Variants in DAGLA observed in about 807,000 individuals in gnomAD.
The protein encoded by DAGLA is diacylglycerol lipase alpha.
In DAGLA, 22 loss-of-function variants were observed where a neutral mutation model predicts 102.6. The observed-to-expected ratio is 0.21, with a 90% CI of 0.15 to 0.31. The LOEUF is 0.31. DAGLA is among the 10% of genes least tolerant of loss of function. DAGLA has a pLI of 1.00. For synonymous variants in DAGLA, 578 were observed against 628.9 expected, an observed-to-expected ratio of 0.92 and a Z score of 1.21; for missense variants, 927 against 1,446.6, an observed-to-expected ratio of 0.64 and a Z score of 5.83.
At chr11:61,704,993 G>A (rs940934365) in intron 1 of DAGLA, among the ~76,000 whole-genome samples, 3 of 152,152 alleles carry the variant, frequency 2.0e-5, no homozygotes, top group East Asian at 1.9e-4. Context: ...CTGACCTGCC[G>A]TGCCCGGGCT....
intron 1 of DAGLA, among the ~76,000 whole-genome samples, chr11:61,715,361 G>C (rs2065228120): frequency 6.6e-6 from 1 of 152,208 alleles, no homozygotes; most frequent in African/African-American, 2.4e-5. Context: ...TCTCTGGCCA[G>C]ATGGGAAATC....
chr11:61,694,734 C>T (rs2135554290), intron 1 of DAGLA, among the ~76,000 whole-genome samples: 1 of 152,324 alleles, frequency 6.6e-6, no homozygotes, highest in East Asian at 1.9e-4. Flanking sequence ...GAAATCCATT[C>T]AAGTCATTTG....
Position 61,744,780 on chromosome 11 carries a change from C to A in DAGLA, c.*291C>A. 2.7e-6 allele frequency: 1 copy of A among 366,042 alleles called. No homozygotes were observed. 22.7% of individuals were successfully genotyped at this position (366,042 alleles called of 1,614,324 possible). A position where few individuals can be genotyped will look rare whatever the true frequency, so the allele number is the denominator to read the frequency against. ...GGCCACACTCAGCCTGACTGCCCTCCATGGGGGCATTCTGGCACCCCCTGC... is the reference window on the plus strand; with the variant it reads ...GGCCACACTCAGCCTGACTGCCCTCAATGGGGGCATTCTGGCACCCCCTGC... On this transcript the variant is annotated 3_prime_UTR_variant, in exon 20 of 20. Coordinates refer to ENST00000257215, the MANE Select transcript of DAGLA (RefSeq NM_006133.3).
intron 1 of DAGLA, 58 bp from the exon 2 acceptor site, chr11:61,720,054 G>T: frequency 8.3e-7 from 1 of 1,205,884 alleles, no homozygotes; most frequent in Non-Finnish European, 1.2e-6. Flanking sequence ...AAGGAATGCA[G>T]TGGCCCTGGG....
At position 61,740,500 on chromosome 11, in the gene DAGLA, T is replaced by A. The variant is rs765101373; in HGVS notation, c.1891T>A (p.Trp631Arg). The change falls in exon 18 of 20, where the codon TGG (tryptophan) becomes AGG (arginine). Residue 631 changes from tryptophan (W) to arginine (R), a missense_variant. Around this residue, in one of 4 missense-constraint regions of DAGLA, gnomAD observed 218 missense variants for 459.6 expected, o/e 0.47. Coordinates refer to ENST00000257215, the MANE Select transcript of DAGLA (RefSeq NM_006133.3). ...EQEEPTYFAI[W>R]GDNKAFNEVI... is the part of the protein sequence containing the mutation. ...GGAGGAGCCCACATACTTTGCCATCTGGGGCGACAACAAGGCCTTCAATGA... is the reference window on the plus strand; with the variant it reads ...GGAGGAGCCCACATACTTTGCCATCAGGGGCGACAACAAGGCCTTCAATGA... 6.2e-7 allele frequency: 1 copy of A among 1,613,902 alleles called. No homozygotes were observed. The highest frequency in any genetic ancestry group is 8.5e-7 in the Non-Finnish European group (1 of 1,179,984).
At position 61,744,273 on chromosome 11, in the gene DAGLA, G is replaced by A. The variant is rs772103855; in HGVS notation, c.2913G>A (p.Lys971=). ...RAQFEPNLVP[K]PPRLFAGSAD... ...AGTTCGAGCCCAACCTGGTGCCCAA[G>A]CCCCCACGGCTCTTTGCCGGCTCAG... The change falls in exon 20 of 20, where the codon AAG becomes AAA. Residue 971 remains lysine (K), a synonymous_variant. Coordinates refer to ENST00000257215, the MANE Select transcript of DAGLA (RefSeq NM_006133.3). 1 of 1,612,890 alleles carries A rather than the reference G, an allele frequency of 6.2e-7. No homozygotes were observed. The highest frequency in any genetic ancestry group is 1.1e-5 in the South Asian group (1 of 91,068).
intron 3 of DAGLA, among the ~76,000 whole-genome samples, 160 bp from the exon 4 acceptor site, chr11:61,722,699 G>A (rs2065293984): frequency 6.6e-6 from 1 of 152,196 alleles, no homozygotes; most frequent in African/African-American, 2.4e-5. Flanking sequence ...TTGGGGCCTG[G>A]GAGGCGGGGG....
chr11:61,720,222 A>G lies in DAGLA; in HGVS notation c.67A>G (p.Ile23Val), dbSNP rs748012554. Residue 23 changes from isoleucine (I) to valine (V), a missense_variant, in exon 2 of 20, where the codon ATC (isoleucine) becomes GTC (valine). By Grantham distance (29) the Ile-to-Val change is conservative. Around this residue, in one of 4 missense-constraint regions of DAGLA, gnomAD observed 231 missense variants for 439.8 expected, o/e 0.53. Transcript: ENST00000257215. Reference protein sequence around the residue: ...VGSDDLVLPAIFLFLLHTTWF... With the variant: ...VGSDDLVLPAVFLFLLHTTWF... The stretch of plus-strand genomic sequence containing the variant: ...CAGTGATGACCTCGTCCTACCGGCC[A>G]TCTTCCTCTTTCTCCTGCATACCAC... 9 of 1,613,916 alleles carry G rather than the reference A, an allele frequency of 5.6e-6. No homozygotes were observed. The highest frequency in any genetic ancestry group is 1.1e-5 in the South Asian group (1 of 91,080).
intron 1 of DAGLA, among the ~76,000 whole-genome samples, chr11:61,701,256 G>A (rs573103781): frequency 2.5e-3 from 379 of 152,288 alleles, no homozygotes; most frequent in Non-Finnish European, 4.1e-3. Context: ...CCTGAGCACC[G>A]CCCAGACGTG....
chr11:61,706,300 G>A (rs1471452976), intron 1 of DAGLA, among the ~76,000 whole-genome samples: 1 of 152,252 alleles, frequency 6.6e-6, no homozygotes, highest in Non-Finnish European at 1.5e-5. Context: ...GAGAATGAAT[G>A]GCAGCAGGTC....
intron 1 of DAGLA, among the ~76,000 whole-genome samples, chr11:61,704,957 C>T (rs1386427472): frequency 6.6e-6 from 1 of 152,202 alleles, no homozygotes; most frequent in Non-Finnish European, 1.5e-5. Flanking sequence ...CTGACTGCTC[C>T]TGAGTGGGAC....
chr11:61,741,362 C>A lies in DAGLA; in HGVS notation c.2171+13C>A, dbSNP rs766639029. On this transcript the variant is annotated intron_variant, in intron 19 of 19. Transcript: ENST00000257215. ...ACAGCAGCGTCAGGTGAGCCTTGGC[C>A]ACTCCCAGCCCCACCCCAGGGTGAG... 1.3e-6 allele frequency: 2 copies of A among 1,599,698 alleles called. No homozygotes were observed. Among genetic ancestry groups the A allele is most frequent in the Non-Finnish European group, 8.5e-7 (1 of 1,177,786 alleles).
In DAGLA at chr11:61,734,559, G is replaced by A. The variant is rs1022926247; in HGVS notation, c.975-290G>A. Among the ~76,000 whole-genome samples, 3 of 152,130 alleles carry A rather than the reference G, an allele frequency of 2.0e-5. No individual in the cohort carries two copies. Among genetic ancestry groups the A allele is most frequent in the Non-Finnish European group, 4.4e-5 (3 of 68,008 alleles). The stretch of plus-strand genomic sequence containing the variant: ...CCAGGGCTTCAGTGTTGGGTGCATC[G>A]CTGAGTAGGCCCTGCCCGGAGGGGA... On this transcript the variant is annotated intron_variant, in intron 9 of 19. Transcript: ENST00000257215. The surrounding 1 kb of genome is among the most constrained non-coding windows in gnomAD (Gnocchi z 4.2).
In DAGLA at chr11:61,738,137, T is replaced by C; in HGVS notation, c.1586T>C (p.Ile529Thr). The C allele has an allele frequency of 6.2e-7, 1 of 1,613,580 alleles. No individual in the cohort carries two copies. The highest frequency in any genetic ancestry group is 8.5e-7 in the Non-Finnish European group (1 of 1,179,928). ...GCCCTGTCTCGTTCCCTCCCCAGGA[T>C]TGGCCTCTCTCAGCTGGAAGGCTTC... ...VVLGKDLVPR[I>T]GLSQLEGFRR... Residue 529 changes from isoleucine to threonine, a missense_variant and splice_region_variant, in exon 16 of 20, where the codon ATT becomes ACT. Around this residue, in one of 4 missense-constraint regions of DAGLA, gnomAD observed 218 missense variants for 459.6 expected, o/e 0.47. Coordinates refer to ENST00000257215, the MANE Select transcript of DAGLA (RefSeq NM_006133.3).
chr11:61,712,167 A>G (rs919618033), intron 1 of DAGLA, among the ~76,000 whole-genome samples: 1 of 152,182 alleles, frequency 6.6e-6, no homozygotes, highest in Admixed American at 6.5e-5. Context: ...GTCTCTGGCC[A>G]AGAAGCACGA....
At chr11:61,698,893 G>A (rs1469901246) in intron 1 of DAGLA, among the ~76,000 whole-genome samples, 1 of 152,210 alleles carries the variant, frequency 6.6e-6, no homozygotes, top group Non-Finnish European at 1.5e-5. Context: ...TGTTTAGGCT[G>A]AGCTTTGGAA....
chr11:61,701,392 C>T (rs547809953), intron 1 of DAGLA, among the ~76,000 whole-genome samples: 1 of 152,340 alleles, frequency 6.6e-6, no homozygotes, highest in African/African-American at 2.4e-5. Context: ...CTGCCCGCCT[C>T]TCCCTCTGCT....
chr11:61,725,926 A>G, intron 5 of DAGLA, 69 bp from the exon 6 acceptor site: 1 of 1,433,432 alleles, frequency 7.0e-7, no homozygotes. Context: ...CTGTTTCCAT[A>G]ACGTCTGGGT....
chr11:61,713,824 C>T (rs7940889), intron 1 of DAGLA, among the ~76,000 whole-genome samples: 8,515 of 152,246 alleles, frequency 0.056, 822 homozygotes, highest in African/African-American at 0.19. Context: ...CACCCCCAGA[C>T]CAGATAAGCT....
Sources: gnomAD v4.1 joint callset for allele counts (sites outside exome capture counted in the v4.1 genomes callset) on GRCh38, gnomAD v4.1.1 for gene constraint, gnomAD v4.1.1 regional missense constraint, Gnocchi (gnomAD v3.1) non-coding constraint, MANE v1.5 for transcripts, NCBI Gene and HGNC (gene_info 2026-07-23, HGNC 2026-07-21) for gene names.